Variants in MED11 observed in about 807,000 individuals in gnomAD.
MED11 encodes mediator of RNA polymerase II transcription subunit 11.
Under a neutral mutation model 13.9 loss-of-function variants are expected in MED11, and 19 were observed. The observed-to-expected ratio is 1.36, with a 90% CI of 0.95 to 2.00. MED11 has a LOEUF of 2.00. MED11 is among the 30% of genes most tolerant of loss of function. The probability of loss-of-function intolerance (pLI) is 0.00; values close to 1 mark genes in which losing one functional copy is unlikely to be tolerated. For missense variants in MED11, 134 were observed against 150.2 expected (o/e 0.89, Z 0.56); for synonymous variants, 67 against 62.1 (o/e 1.08, Z -0.37).
At position 4,732,957 on chromosome 17, in the gene MED11, A is replaced by T. The variant is rs967064391; in HGVS notation, c.217-93A>T. 9.5e-6 allele frequency: 14 copies of T among 1,470,262 alleles called. No individual in the cohort carries two copies. In the African/African-American group the frequency reaches 2.0e-4, roughly 21 times the overall value. 91.1% of individuals were successfully genotyped at this position (1,470,262 alleles called of 1,614,324 possible). A position where few individuals can be genotyped will look rare whatever the true frequency, so the allele number is the denominator to read the frequency against. Reference sequence around the variant, plus strand: ...TACCCAGCTACCAGATGGCCTAACAAATTCAAACTCAGGGAAGAAATGAGA... The same window carrying T: ...TACCCAGCTACCAGATGGCCTAACATATTCAAACTCAGGGAAGAAATGAGA... On this transcript the variant is annotated intron_variant, in intron 2 of 2. Coordinates refer to ENST00000293777, the MANE Select transcript of MED11 (RefSeq NM_001001683.4).
Position 4,733,372 on chromosome 17 carries a change from G to C in MED11, c.*185G>C. The C allele has an allele frequency of 3.1e-6, 2 of 654,164 alleles. No homozygotes were observed. Among genetic ancestry groups the C allele is most frequent in the Non-Finnish European group, 5.1e-6 (2 of 393,978 alleles). 40.5% of individuals were successfully genotyped at this position (654,164 alleles called of 1,614,324 possible). A position where few individuals can be genotyped will look rare whatever the true frequency, so the allele number is the denominator to read the frequency against. ...CCGAGCCTGCCCACAGCTATGCTTT[G>C]GCCTCTCCAGCAGGGTGCTCCTGCT... On this transcript the variant is annotated 3_prime_UTR_variant, in exon 3 of 3. Transcript: ENST00000293777.
rs537534634 is a variant in MED11 at position 4,732,252 on chromosome 17, C to T, written c.216+346C>T. 1,544 of 286,280 alleles carry T rather than the reference C, an allele frequency of 5.4e-3. 18 individuals are homozygous for T. Among genetic ancestry groups the T allele is most frequent in the African/African-American group, 0.029 (1,333 of 45,734 alleles). 17.7% of individuals were successfully genotyped at this position (286,280 alleles called of 1,614,324 possible). ...CAGCCTGGCCAACATGGTGAAACTC[C>T]GTCTCTACTAAAAATACAAAAATTA... is the stretch of plus-strand genomic sequence containing the variant. On this transcript the variant is annotated intron_variant, in intron 2 of 2. Coordinates refer to ENST00000293777, the MANE Select transcript of MED11 (RefSeq NM_001001683.4).
At position 4,731,782 on chromosome 17, in the gene MED11, T is replaced by A. The variant is rs761555760; in HGVS notation, c.92T>A (p.Val31Glu). The A allele has an allele frequency of 1.9e-5, 31 of 1,613,984 alleles. No individual in the cohort carries two copies. Among genetic ancestry groups the A allele is most frequent in the Non-Finnish European group, 2.5e-5 (30 of 1,179,928 alleles). Residue 31 changes from valine to glutamate, a missense_variant, in exon 2 of 3, where the codon GTG (valine) becomes GAG (glutamate). Val to Glu is a moderately radical substitution (Grantham distance 121). Coordinates refer to ENST00000293777, the MANE Select transcript of MED11 (RefSeq NM_001001683.4). ...IGAILQNAGTVILELSKEKTN... is the reference protein window; with the variant it reads ...IGAILQNAGTEILELSKEKTN... ...CCTCTCTCCGCCCTGGCAGGTACTG[T>A]GATCCTAGAATTGTCCAAGGAAAAA...
In MED11 at chr17:4,733,348, C is replaced by T. The variant is rs111613829; in HGVS notation, c.*161C>T. 1.2e-4 allele frequency: 109 copies of T among 873,418 alleles called. 2 individuals are homozygous for T. The highest frequency in any genetic ancestry group is 7.1e-4 in the Middle Eastern group (2 of 2,800). The allele number at this position is 873,418 out of a possible 1,614,324, so 54.1% of individuals were successfully genotyped here. On this transcript the variant is annotated 3_prime_UTR_variant, in exon 3 of 3. Coordinates refer to ENST00000293777, the MANE Select transcript of MED11 (RefSeq NM_001001683.4). Reference sequence around the variant, plus strand: ...TGGTGGGCATGGAAAAACTGAAGCCCGAGCCTGCCCACAGCTATGCTTTGG... The same window carrying T: ...TGGTGGGCATGGAAAAACTGAAGCCTGAGCCTGCCCACAGCTATGCTTTGG...
intron 2 of MED11, 24 bp from the exon 3 acceptor site, chr17:4,733,026 C>A (rs756721166): frequency 6.2e-7 from 1 of 1,612,546 alleles, no homozygotes; most frequent in Non-Finnish European, 8.5e-7. Context: ...GGAGATGGTG[C>A]TCCATTGATA....
Position 4,731,539 on chromosome 17 carries a change from T to G in MED11, c.50T>G (p.Ile17Ser), listed in dbSNP as rs781459201. Residue 17 changes from isoleucine to serine, a missense_variant, in exon 1 of 3, where the codon ATT becomes AGT. Physicochemically the swap from Ile to Ser is moderately radical, Grantham distance 142 (BLOSUM62 -2). Coordinates refer to ENST00000293777, the MANE Select transcript of MED11 (RefSeq NM_001001683.4). ...GAGAGACTACGCGCTCTGGAAGACA[T>G]TGAACGGGAAATCGGCGCCATCCTT... ...ANERLRALED[I>S]EREIGAILQN... The G allele has an allele frequency of 1.9e-6, 3 of 1,613,896 alleles. No homozygotes were observed. The African/African-American group carries it at 4.0e-5, about 22-fold the overall frequency.
At chr17:4,732,959 T>G in intron 2 of MED11, 91 bp from the exon 3 acceptor site, 1 of 1,481,928 alleles carries the variant, frequency 6.7e-7, no homozygotes, top group South Asian at 1.3e-5. Flanking sequence ...GCCTAACAAA[T>G]TCAAACTCAG....
Position 4,731,523 on chromosome 17 carries a change from C to T in MED11, c.34C>T (p.Arg12Cys). 1.2e-6 allele frequency: 2 copies of T among 1,614,166 alleles called. No homozygotes were observed. The highest frequency in any genetic ancestry group is 1.7e-6 in the Non-Finnish European group (2 of 1,180,018). Residue 12 changes from arginine to cysteine, a missense_variant, in exon 1 of 3, where the codon CGC becomes TGC. By Grantham distance (180) the Arg-to-Cys change is radical. Transcript: ENST00000293777. ...ATYSLANERL[R>C]ALEDIEREIG... ...CTACAGCCTGGCGAACGAGAGACTA[C>T]GCGCTCTGGAAGACATTGAACGGGA...
In MED11 at chr17:4,731,463, C is replaced by G. The variant is rs113073819; in HGVS notation, c.-27C>G. 3.3e-3 allele frequency: 5,367 copies of G among 1,612,064 alleles called. 117 individuals carry two copies. The African/African-American group carries it at 0.041, about 12-fold the overall frequency. On this transcript the variant is annotated 5_prime_UTR_variant, in exon 1 of 3. Coordinates refer to ENST00000293777, the MANE Select transcript of MED11 (RefSeq NM_001001683.4). Reference sequence around the variant, plus strand: ...CAAGCGTCGCGTTTCTGAGGAGAAACTCTTGGTGAGAATTCCCAGAGTGAT... The same window carrying G: ...CAAGCGTCGCGTTTCTGAGGAGAAAGTCTTGGTGAGAATTCCCAGAGTGAT...
At position 4,731,538 on chromosome 17, in the gene MED11, A is replaced by G. The variant is rs1282466501; in HGVS notation, c.49A>G (p.Ile17Val). 6.2e-7 allele frequency: 1 copy of G among 1,614,196 alleles called. No individual in the cohort carries two copies. Among genetic ancestry groups the G allele is most frequent in the Admixed American group, 1.7e-5 (1 of 60,028 alleles). The part of the protein sequence containing the change: ...ANERLRALED[I>V]EREIGAILQN... ...CGAGAGACTACGCGCTCTGGAAGAC[A>G]TTGAACGGGAAATCGGCGCCATCCT... Residue 17 changes from isoleucine (I) to valine (V), a missense_variant, in exon 1 of 3, where the codon ATT becomes GTT. Coordinates refer to ENST00000293777, the MANE Select transcript of MED11 (RefSeq NM_001001683.4).
chr17:4,732,779 G>A (rs1788767891), intron 2 of MED11, among the ~76,000 whole-genome samples: 1 of 152,122 alleles, frequency 6.6e-6, no homozygotes, highest in Non-Finnish European at 1.5e-5. Flanking sequence ...GATTGAGAAG[G>A]TTCTGAAATC....
At chr17:4,732,057 G>A (rs1915997002) in intron 2 of MED11, 151 bp downstream of exon 2, 3 of 909,426 alleles carry the variant, frequency 3.3e-6, no homozygotes, top group Admixed American at 6.0e-5. Flanking sequence ...AGGAAAGAAT[G>A]GGCCGGGCGC....
intron 2 of MED11, chr17:4,732,823 G>C (rs117274645): frequency 1.9e-6 from 1 of 539,596 alleles, no homozygotes; most frequent in African/African-American, 1.9e-5. Context: ...TAATTTTTAC[G>C]GTGTGCCAGA....
Position 4,733,268 on chromosome 17 carries a change from A to AACAT in MED11, c.*81_*82insACAT, listed in dbSNP as rs2150616707. On this transcript the variant is annotated 3_prime_UTR_variant, in exon 3 of 3. Transcript: ENST00000293777. The stretch of plus-strand genomic sequence containing the variant: ...GAACCTGGGAACATGTAGGGTGGGG[A>AACAT]GTATGAGCACCAACATACCCTGCTG... 1.3e-6 allele frequency: 2 copies of AACAT among 1,550,572 alleles called. No homozygotes were observed. The highest frequency in any genetic ancestry group is 4.6e-5 in the East Asian group (2 of 43,712).
At chr17:4,732,917 G>A (rs1449400110) in intron 2 of MED11, 133 bp from the exon 3 acceptor site, 1 of 1,016,668 alleles carries the variant, frequency 9.8e-7, no homozygotes, top group Non-Finnish European at 1.5e-6. Flanking sequence ...ATTAACATAA[G>A]TTAAATGATT....
At chr17:4,732,943 C>T (rs776027485) in intron 2 of MED11, 107 bp from the exon 3 acceptor site, 13 of 1,282,294 alleles carry the variant, frequency 1.0e-5, no homozygotes, top group Non-Finnish European at 1.3e-5. Context: ...ACCCAGCTAC[C>T]AGATGGCCTA....
rs1916051180 is a variant in MED11, at chr17:4,733,395, G to A, written c.*208G>A. 7.2e-6 allele frequency: 4 copies of A among 556,180 alleles called. No individual in the cohort carries two copies. Among genetic ancestry groups the A allele is most frequent in the Non-Finnish European group, 1.3e-5 (4 of 318,748 alleles). 34.5% of individuals were successfully genotyped at this position (556,180 alleles called of 1,614,324 possible). A position where few individuals can be genotyped will look rare whatever the true frequency, so the allele number is the denominator to read the frequency against. On this transcript the variant is annotated 3_prime_UTR_variant, in exon 3 of 3. Transcript: ENST00000293777. ...TTGGCCTCTCCAGCAGGGTGCTCCT[G>A]CTCTGCACTCCAGAAACACCCTGAC...
At chr17:4,732,944 A>G (rs1346847922) in intron 2 of MED11, 106 bp from the exon 3 acceptor site, 1 of 1,293,252 alleles carries the variant, frequency 7.7e-7, no homozygotes, top group South Asian at 1.4e-5. Flanking sequence ...CCCAGCTACC[A>G]GATGGCCTAA....
chr17:4,731,978 G>C, intron 2 of MED11, 72 bp downstream of exon 2: 1 of 1,545,224 alleles, frequency 6.5e-7, no homozygotes, highest in Non-Finnish European at 8.7e-7. Flanking sequence ...GGTGATCCAG[G>C]GTGGAGCATT....
Sources: allele counts gnomAD v4.1 joint callset (sites outside exome capture counted in the v4.1 genomes callset), GRCh38; gene constraint gnomAD v4.1.1; transcripts MANE v1.5; gene names NCBI Gene and HGNC (gene_info 2026-07-23, HGNC 2026-07-21).